Variants in ELMOD3 observed in about 807,000 individuals in gnomAD.
The protein encoded by ELMOD3 is ELMO domain-containing protein 3.
A neutral mutation model predicts 47.4 loss-of-function variants in ELMOD3; 36 were observed. That is an observed-to-expected ratio of 0.76 (90% CI 0.58 to 1.00). The LOEUF is 1.00. Ranked by LOEUF, ELMOD3 falls within the 50% of genes least tolerant of loss-of-function variation. ELMOD3 has a pLI of 0.00. For synonymous variants in ELMOD3, 149 were observed against 183.5 expected (o/e 0.81, Z 1.52); for missense variants, 404 against 463.8 (o/e 0.87, Z 1.18).
At chr2:85,371,841 C>T in intron 10 of ELMOD3, 1 of 315,516 alleles carries the variant, frequency 3.2e-6, no homozygotes, top group Non-Finnish European at 6.0e-6. Flanking sequence ...CGAGACCAGC[C>T]TGGCCAACAT....
intron 13 of ELMOD3, 120 bp downstream of exon 13, chr2:85,390,385 T>C (rs758305413): frequency 2.5e-6 from 4 of 1,614,188 alleles, no homozygotes; most frequent in Non-Finnish European, 2.5e-6. Context: ...CTTTCTCAAA[T>C]TCCAGCTTAC....
chr2:85,363,234 G>C (rs1684113821), intron 6 of ELMOD3, 68 bp downstream of exon 6: 5 of 843,124 alleles, frequency 5.9e-6, no homozygotes, highest in Non-Finnish European at 1.0e-5. Context: ...TGCATCTGCT[G>C]TTCATCATTT....
At position 85,376,646 on chromosome 2, in the gene ELMOD3, T is replaced by C. The variant is rs779027801; in HGVS notation, c.608-698T>C. Among the ~76,000 whole-genome samples, 13 of 152,202 alleles carry C rather than the reference T, an allele frequency of 8.5e-5. No individual in the cohort carries two copies. The highest frequency in any genetic ancestry group is 1.5e-4 in the Non-Finnish European group (10 of 68,018). On this transcript the variant is annotated intron_variant, in intron 10 of 13. Coordinates refer to ENST00000409013, the MANE Select transcript of ELMOD3 (RefSeq NM_001135022.2). The surrounding 1 kb of genome is among the most constrained non-coding windows in gnomAD (Gnocchi z 4.2). ...GGCCAGGATGGAAGTCTAGGGTCCCTGCTCAGCCTTTTCTGGAGAAGAGTG... is the reference window on the plus strand; with the variant it reads ...GGCCAGGATGGAAGTCTAGGGTCCCCGCTCAGCCTTTTCTGGAGAAGAGTG...
At chr2:85,370,197 C>T (rs1170807892) in intron 8 of ELMOD3, among the ~76,000 whole-genome samples, 1 of 152,024 alleles carries the variant, frequency 6.6e-6, no homozygotes, top group Non-Finnish European at 1.5e-5. Context: ...CCTCAAGGAA[C>T]CAGAAGCTAT....
At position 85,371,182 on chromosome 2, in the gene ELMOD3, A is replaced by G. The variant is rs758305442; in HGVS notation, c.457A>G (p.Arg153Gly). 10 of 1,614,120 alleles carry G rather than the reference A, an allele frequency of 6.2e-6. No homozygotes were observed. The Admixed American group carries it at 1.7e-4, about 27-fold the overall frequency. The stretch of plus-strand genomic sequence containing the variant: ...GCTCCACCAGCGCCTTCGGGAAGAA[A>G]GGGACTTGGTCCTGACCATTGCTCA... Reference protein sequence around the residue: ...PKLHQRLREERDLVLTIAQCG... With the variant: ...PKLHQRLREEGDLVLTIAQCG... Residue 153 changes from arginine (R) to glycine (G), a missense_variant, in exon 9 of 14, where the codon AGG becomes GGG. Transcript: ENST00000409013.
chr2:85,375,687 A>G (rs1211872639), intron 10 of ELMOD3, among the ~76,000 whole-genome samples: 1 of 152,216 alleles, frequency 6.6e-6, no homozygotes, highest in Non-Finnish European at 1.5e-5. Context: ...CCACAAACCT[A>G]GTGGCTTAAA....
chr2:85,387,253 T>C (rs548372180), intron 11 of ELMOD3: 450 of 1,148,042 alleles, frequency 3.9e-4, no homozygotes, highest in South Asian at 1.4e-3. Context: ...GAACATTTGT[T>C]AATACCTACT....
chr2:85,365,565 A>T (rs762234291), intron 6 of ELMOD3, among the ~76,000 whole-genome samples: 6 of 152,154 alleles, frequency 3.9e-5, no homozygotes, highest in Non-Finnish European at 8.8e-5. Context: ...TCTGTTGGTC[A>T]GGGGAAAACA....
At chr2:85,378,823 G>A (rs1416967044) in intron 11 of ELMOD3, among the ~76,000 whole-genome samples, 1 of 152,092 alleles carries the variant, frequency 6.6e-6, no homozygotes, top group East Asian at 1.9e-4. Context: ...CTGGTCTTAG[G>A]TTTCATCTGA....
chr2:85,371,822 T>A (rs1684812971), intron 10 of ELMOD3: 1 of 354,584 alleles, frequency 2.8e-6, no homozygotes, highest in African/African-American at 2.1e-5. Context: ...TTACTTGAGG[T>A]CCTGAGTTCG....
Position 85,375,096 on chromosome 2 carries a change from AT to A in ELMOD3, c.608-2247del, listed in dbSNP as rs547550777. On this transcript the variant is annotated intron_variant, in intron 10 of 13. Coordinates refer to ENST00000409013, the MANE Select transcript of ELMOD3 (RefSeq NM_001135022.2). ...AGATTCCATCTCAAAAAAAAAAAAAATCTTTGCTTTGTCTTTGGTTTTCAGG... is the reference window on the plus strand; with the variant it reads ...AGATTCCATCTCAAAAAAAAAAAAAACTTTGCTTTGTCTTTGGTTTTCAGG... 3.7e-3 allele frequency among the ~76,000 whole-genome samples: 557 copies of A among 152,054 alleles called. 6 individuals are homozygous for A. Among genetic ancestry groups the A allele is most frequent in the African/African-American group, 0.013 (533 of 41,478 alleles).
At chr2:85,382,437 CAA>C (rs1227882947) in intron 11 of ELMOD3, among the ~76,000 whole-genome samples, 8 of 82,036 alleles carry the variant, frequency 9.8e-5, no homozygotes, top group Admixed American at 3.9e-4. Context: ...GATTCTGTCT[CAA>C]AAAAAAAAAA....
rs371445152 is a variant in ELMOD3, at chr2:85,377,514, G to A, written c.738+40G>A. Reference sequence around the variant, plus strand: ...GGAAGCCAGAGGAAAGGAAAGGGCCGTGGAGCTAGGACCTGAGTGGCCGAG... The same window carrying A: ...GGAAGCCAGAGGAAAGGAAAGGGCCATGGAGCTAGGACCTGAGTGGCCGAG... On this transcript the variant is annotated intron_variant, in intron 11 of 13. Transcript: ENST00000409013. The A allele has an allele frequency of 5.6e-5, 89 of 1,581,382 alleles. 1 individual carries two copies. The highest frequency in any genetic ancestry group is 7.1e-5 in the South Asian group (6 of 84,680).
chr2:85,357,323 A>G (rs1683633582), intron 4 of ELMOD3, 71 bp downstream of exon 4: 3 of 1,016,578 alleles, frequency 3.0e-6, no homozygotes, highest in South Asian at 3.2e-5. Context: ...GTAAGAATAT[A>G]TTAAGAGAAT....
chr2:85,366,473 T>C (rs1407138325), intron 6 of ELMOD3, among the ~76,000 whole-genome samples: 1 of 152,210 alleles, frequency 6.6e-6, no homozygotes, highest in African/African-American at 2.4e-5. Context: ...CCTGGACCCA[T>C]CTCACCCGCT....
In ELMOD3 at chr2:85,390,773, G is replaced by A; in HGVS notation, c.957G>A (p.Leu319=). 2 of 1,551,082 alleles carry A rather than the reference G, an allele frequency of 1.3e-6. No homozygotes were observed. The highest frequency in any genetic ancestry group is 1.8e-4 in the Middle Eastern group (1 of 5,648). ...SGFVLKELEV[L]AKKSPRRLLK... is the part of the protein sequence containing the mutation. ...TCTCTGTTGCAGAGTTGGAAGTATTGGCCAAGAAGAGCCCACGGCGGCTGC... is the reference window on the plus strand; with the variant it reads ...TCTCTGTTGCAGAGTTGGAAGTATTAGCCAAGAAGAGCCCACGGCGGCTGC... The change falls in exon 14 of 14, where the codon TTG becomes TTA. Residue 319 remains leucine, a synonymous_variant. Transcript: ENST00000409013.
intron 11 of ELMOD3, among the ~76,000 whole-genome samples, chr2:85,378,766 C>CT (rs200372099): frequency 0.016 from 2,420 of 152,182 alleles, 31 homozygotes; most frequent in Non-Finnish European, 0.024. Flanking sequence ...TCCCCCTTTT[C>CT]TTTTTTAAAA....
At position 85,377,306 on chromosome 2, in the gene ELMOD3, C is replaced by T. The variant is rs199723198; in HGVS notation, c.608-38C>T. ...CATGGCAAGCCCTTGAAGCATTGCTCGCTGCCACACCCTGTTTCCTCACGG... is the reference window on the plus strand; with the variant it reads ...CATGGCAAGCCCTTGAAGCATTGCTTGCTGCCACACCCTGTTTCCTCACGG... On this transcript the variant is annotated intron_variant, in intron 10 of 13. Coordinates refer to ENST00000409013, the MANE Select transcript of ELMOD3 (RefSeq NM_001135022.2). The T allele has an allele frequency of 1.2e-4, 186 of 1,535,340 alleles. No homozygotes were observed. The South Asian group carries it at 1.5e-3, about 12-fold the overall frequency.
intron 6 of ELMOD3, among the ~76,000 whole-genome samples, chr2:85,368,055 C>T (rs868451373): frequency 6.6e-6 from 1 of 152,084 alleles, no homozygotes; most frequent in African/African-American, 2.4e-5. Context: ...GGACTACAGG[C>T]GCCTGCCACC....
Sources: gnomAD v4.1 joint callset for allele counts (sites outside exome capture counted in the v4.1 genomes callset) on GRCh38, gnomAD v4.1.1 for gene constraint, Gnocchi (gnomAD v3.1) non-coding constraint, MANE v1.5 for transcripts, NCBI Gene and HGNC (gene_info 2026-07-23, HGNC 2026-07-21) for gene names.